ZCCHC2: variants seen among roughly 807,000 people sequenced by gnomAD.
The protein encoded by ZCCHC2 is zinc finger CCHC-type containing 2, also known as zinc finger CCHC domain-containing protein 2.
Under a neutral mutation model 103.6 loss-of-function variants are expected in ZCCHC2, and 39 were observed. That is an observed-to-expected ratio of 0.38 (90% CI 0.29 to 0.49). ZCCHC2 has a LOEUF of 0.49. Ranked by LOEUF, ZCCHC2 falls within the 20% of genes least tolerant of loss-of-function variation. The pLI is 0.96. For missense variants in ZCCHC2, 1,483 were observed against 1,491.0 expected (o/e 0.99, Z 0.09); for synonymous variants, 687 against 608.9 (o/e 1.13, Z -1.89).
At chr18:62,572,167 T>G (rs776543961) in intron 12 of ZCCHC2, among the ~76,000 whole-genome samples, 6 of 152,204 alleles carry the variant, frequency 3.9e-5, no homozygotes, top group Non-Finnish European at 5.9e-5. Context: ...CCTCCTGCCT[T>G]GGCCTCCCAA....
Position 62,523,376 on chromosome 18 carries a change from G to GGGGGGGCCCC in ZCCHC2, c.-49_-48insGGGGGGCCCC. 129 of 1,012,272 alleles carry GGGGGGGCCCC rather than the reference G, an allele frequency of 1.3e-4. No individual in the cohort carries two copies. The highest frequency in any genetic ancestry group is 4.9e-4 in the Middle Eastern group (1 of 2,038). 62.7% of individuals were successfully genotyped at this position (1,012,272 alleles called of 1,614,324 possible). On this transcript the variant is annotated 5_prime_UTR_variant, in exon 1 of 14. Transcript: ENST00000269499. Reference sequence around the variant, plus strand: ...GCCTCGGCCCGTGCTCCACCTCGCGGCCCCTCCCGCCCGCCCCCGCTCGCA... The same window carrying GGGGGGGCCCC: ...GCCTCGGCCCGTGCTCCACCTCGCGGGGGGGGCCCCCCCCTCCCGCCCGCCCCCGCTCGCA...
intron 7 of ZCCHC2, 140 bp from the exon 8 acceptor site, chr18:62,560,447 T>A (rs940424268): frequency 1.9e-6 from 1 of 536,202 alleles, no homozygotes; most frequent in Non-Finnish European, 3.2e-6. Context: ...TTGCTTAAGA[T>A]GTCTTCTATG....
downstream of ZCCHC2, among the ~76,000 whole-genome samples, chr18:62,580,515 AGT>A: frequency 6.8e-6 from 1 of 146,932 alleles, no homozygotes; most frequent in African/African-American, 2.7e-5. Flanking sequence ...ATGGTGTCAC[AGT>A]GCTGTGGAAG....
chr18:62,564,505 T>C, intron 9 of ZCCHC2, 66 bp from the exon 10 acceptor site: 1 of 1,136,556 alleles, frequency 8.8e-7, no homozygotes, highest in Non-Finnish European at 1.2e-6. Flanking sequence ...TAATGTTTAT[T>C]ATGAGAGTAA....
At chr18:62,571,776 G>A (rs2145532709) in intron 12 of ZCCHC2, among the ~76,000 whole-genome samples, 1 of 152,346 alleles carries the variant, frequency 6.6e-6, no homozygotes, top group Non-Finnish European at 1.5e-5. Flanking sequence ...TTTCAGCCAA[G>A]TGTGGTTTCT....
chr18:62,523,965 G>C lies in ZCCHC2; in HGVS notation c.541G>C (p.Gly181Arg). 15 of 1,502,842 alleles carry C rather than the reference G, an allele frequency of 1.0e-5. No individual in the cohort carries two copies. Among genetic ancestry groups the C allele is most frequent in the Non-Finnish European group, 1.3e-5 (15 of 1,130,340 alleles). 93.1% of individuals were successfully genotyped at this position (1,502,842 alleles called of 1,614,324 possible). A position where few individuals can be genotyped will look rare whatever the true frequency, so the allele number is the denominator to read the frequency against. Residue 181 changes from glycine (G) to arginine (R), a missense_variant, in exon 1 of 14, where the codon GGC becomes CGC. This residue lies in a region of ZCCHC2 where 568 missense variants were observed against 525.1 expected (regional missense o/e 1.08). Coordinates refer to ENST00000269499, the MANE Select transcript of ZCCHC2 (RefSeq NM_017742.6). The part of the protein sequence containing the change: ...SRLIVYLALL[G>R]SENREAAGRL... ...CCTCATCGTCTACCTGGCGCTGCTG[G>C]GCTCGGAGAACCGGGAGGCCGCTGG...
rs1445397959 is a variant in ZCCHC2 at position 62,575,306 on chromosome 18, G to A, written c.3225G>A (p.Leu1075=). 2 of 1,613,752 alleles carry A rather than the reference G, an allele frequency of 1.2e-6. No homozygotes were observed. The highest frequency in any genetic ancestry group is 1.7e-6 in the Non-Finnish European group (2 of 1,179,810). ...ATGGAAACCAACTTCCTTTTTTTCTGCCTCAGACTCCATATGCAAATGGAC... is the reference window on the plus strand; with the variant it reads ...ATGGAAACCAACTTCCTTTTTTTCTACCTCAGACTCCATATGCAAATGGAC... ...QSNGNQLPFF[L]PQTPYANGLV... The change falls in exon 13 of 14, where the codon CTG becomes CTA. Residue 1075 remains leucine (L), a synonymous_variant. Transcript: ENST00000269499.
At chr18:62,573,976 A>T in intron 12 of ZCCHC2, 81 bp from the exon 13 acceptor site, 1 of 1,381,826 alleles carries the variant, frequency 7.2e-7, no homozygotes. Flanking sequence ...AGTTACTTTG[A>T]GGTATACTCA....
At chr18:62,560,694 C>A in intron 8 of ZCCHC2, 50 bp downstream of exon 8, 1 of 1,408,510 alleles carries the variant, frequency 7.1e-7, no homozygotes, top group Non-Finnish European at 9.9e-7. Context: ...GTTTTAAAAT[C>A]AATGTAACAT....
intron 1 of ZCCHC2, among the ~76,000 whole-genome samples, chr18:62,538,792 T>G (rs2145494288): frequency 6.6e-6 from 1 of 152,292 alleles, no homozygotes; most frequent in African/African-American, 2.4e-5. Context: ...AATTGAGATT[T>G]GTGGGGAGCT....
downstream of ZCCHC2, among the ~76,000 whole-genome samples, chr18:62,582,597 T>G (rs1273836910): frequency 1.3e-5 from 2 of 152,120 alleles, no homozygotes; most frequent in African/African-American, 2.4e-5. Context: ...GAGAACCGCT[T>G]GAACCTGGGA....
chr18:62,537,497 A>T (rs1310769647), intron 1 of ZCCHC2, among the ~76,000 whole-genome samples: 2 of 152,088 alleles, frequency 1.3e-5, no homozygotes, highest in African/African-American at 4.8e-5. Context: ...TATCAACTTG[A>T]CTATTCTAGG....
At chr18:62,557,173 T>C (rs781740294) in intron 6 of ZCCHC2, among the ~76,000 whole-genome samples, 22 of 152,232 alleles carry the variant, frequency 1.4e-4, no homozygotes, top group Admixed American at 3.3e-4. Flanking sequence ...ATTTCACCTT[T>C]CACCACTGTC....
At position 62,523,854 on chromosome 18, in the gene ZCCHC2, T is replaced by C. The variant is rs1202815214; in HGVS notation, c.430T>C (p.Tyr144His). The change falls in exon 1 of 14, where the codon TAC (tyrosine) becomes CAC (histidine). Residue 144 changes from tyrosine to histidine, a missense_variant. By Grantham distance (83) the Tyr-to-His change is moderately conservative. This residue lies in a region of ZCCHC2 where 568 missense variants were observed against 525.1 expected (regional missense o/e 1.08). Coordinates refer to ENST00000269499, the MANE Select transcript of ZCCHC2 (RefSeq NM_017742.6). ...GGACCTGGCGCGCAAGGACTACCACTACCTGCGCGACTCGGAGGCCAAGGC... is the reference window on the plus strand; with the variant it reads ...GGACCTGGCGCGCAAGGACTACCACCACCTGCGCGACTCGGAGGCCAAGGC... ...LEDLARKDYH[Y>H]LRDSEAKANG... The C allele has an allele frequency of 6.5e-7, 1 of 1,544,800 alleles. No homozygotes were observed. The highest frequency in any genetic ancestry group is 8.7e-7 in the Non-Finnish European group (1 of 1,146,278).
Position 62,539,697 on chromosome 18 carries a change from G to A in ZCCHC2, c.956G>A (p.Gly319Asp). ...GPRAQNNSAH[G>D]DYMQNNESSL... is the part of the protein sequence containing the mutation. ...CTCATCTAGAACAACTCTGCTCATG[G>A]TGATTACATGCAAAATAACGAGAGC... Residue 319 changes from glycine to aspartate, a missense_variant, in exon 2 of 14, where the codon GGT becomes GAT. By Grantham distance (94) the Gly-to-Asp change is moderately conservative (BLOSUM62 -1). Around this residue, in one of 3 missense-constraint regions of ZCCHC2, gnomAD observed 568 missense variants for 525.1 expected, o/e 1.08. Coordinates refer to ENST00000269499, the MANE Select transcript of ZCCHC2 (RefSeq NM_017742.6). 6.3e-7 allele frequency: 1 copy of A among 1,594,212 alleles called. No individual in the cohort carries two copies.
chr18:62,557,518 C>T (rs1915943803), intron 6 of ZCCHC2, among the ~76,000 whole-genome samples: 1 of 152,166 alleles, frequency 6.6e-6, no homozygotes. Flanking sequence ...AAAAATATGA[C>T]TCTTTGTGAT....
intron 6 of ZCCHC2, among the ~76,000 whole-genome samples, chr18:62,557,747 T>G (rs1915957006): frequency 6.6e-6 from 1 of 152,214 alleles, no homozygotes; most frequent in Non-Finnish European, 1.5e-5. Flanking sequence ...AAACTTTTAG[T>G]TCAGATGAAC....
exon 15 of ZCCHC2, chr18:62,586,339 G>T (rs536482872): frequency 3.9e-5 from 6 of 151,954 alleles, no homozygotes; most frequent in Non-Finnish European, 8.8e-5. Flanking sequence ...CGTGGCCGTG[G>T]GTGGGAGATG....
chr18:62,550,931 G>A (rs1330306752), intron 5 of ZCCHC2, among the ~76,000 whole-genome samples: 1 of 152,126 alleles, frequency 6.6e-6, no homozygotes, highest in East Asian at 1.9e-4. Flanking sequence ...TAAGGTTGTT[G>A]GGCTTGTTGG....
Sources: allele counts gnomAD v4.1 joint callset (sites outside exome capture counted in the v4.1 genomes callset), GRCh38; gene constraint gnomAD v4.1.1; regional missense constraint gnomAD v4.1.1; transcripts MANE v1.5; gene names NCBI Gene and HGNC (gene_info 2026-07-23, HGNC 2026-07-21).